Variants in GPC5 observed in about 807,000 individuals in gnomAD.
The protein encoded by GPC5 is glypican 5.
A neutral mutation model predicts 53.9 loss-of-function variants in GPC5; 47 were observed. The ratio of observed to expected loss-of-function variants is 0.87; its 90% confidence interval spans 0.69 to 1.11. The LOEUF (loss-of-function observed/expected upper bound fraction) is 1.11, where lower values mean the gene tolerates loss of function less well. Ranked by LOEUF, GPC5 falls within the 50% of genes most tolerant of loss-of-function variation. GPC5 has a pLI of 0.00. For missense variants in GPC5, 748 were observed against 713.1 expected (o/e 1.05, Z -0.56); for synonymous variants, 286 against 263.3 (o/e 1.09, Z -0.84).
intron 7 of GPC5, among the ~76,000 whole-genome samples, chr13:92,529,048 T>C (rs960643036): frequency 6.6e-6 from 1 of 152,148 alleles, no homozygotes; most frequent in African/African-American, 2.4e-5. Context: ...CTGCCAATTA[T>C]ATTTGCATGC....
chr13:92,139,014 G>A (rs2041807975), intron 6 of GPC5, among the ~76,000 whole-genome samples: 1 of 152,140 alleles, frequency 6.6e-6, no homozygotes, highest in Non-Finnish European at 1.5e-5. Flanking sequence ...ATTAAAAAGG[G>A]TAATTAGAAC....
intron 2 of GPC5, among the ~76,000 whole-genome samples, chr13:91,615,346 G>A (rs1204669515): frequency 6.6e-6 from 1 of 152,116 alleles, no homozygotes; most frequent in Non-Finnish European, 1.5e-5. Flanking sequence ...ATAGGGAAAG[G>A]TATGCTCCTT....
chr13:91,797,379 A>G (rs1183099570), intron 5 of GPC5, among the ~76,000 whole-genome samples: 1 of 152,178 alleles, frequency 6.6e-6, no homozygotes, highest in Non-Finnish European at 1.5e-5. Context: ...AGTTCAAAGA[A>G]AAAAATTTTA....
At chr13:92,363,202 C>T (rs1566557479) in intron 7 of GPC5, among the ~76,000 whole-genome samples, 1 of 151,584 alleles carries the variant, frequency 6.6e-6, no homozygotes, top group Non-Finnish European at 1.5e-5. Context: ...AAACAATTCC[C>T]ACAGGGCTAG....
chr13:92,305,561 A>G lies in GPC5; in HGVS notation c.1561+160572A>G, dbSNP rs77315001. 9.8e-3 allele frequency among the ~76,000 whole-genome samples: 1,498 copies of G among 152,256 alleles called. 18 individuals carry two copies. Among genetic ancestry groups the G allele is most frequent in the African/African-American group, 0.033 (1,389 of 41,562 alleles). The stretch of plus-strand genomic sequence containing the variant: ...AAAACTAGATTACCAAAATTTTTAA[A>G]CTAACTGAATTTCAACTTGAAGAAC... On this transcript the variant is annotated intron_variant, in intron 7 of 7. Transcript: ENST00000377067.
intron 6 of GPC5, among the ~76,000 whole-genome samples, chr13:91,916,400 A>G (rs759666685): frequency 1.3e-5 from 2 of 152,212 alleles, no homozygotes; most frequent in East Asian, 1.9e-4. Flanking sequence ...ATGTTCCTCA[A>G]TTGATGACTA....
intron 7 of GPC5, among the ~76,000 whole-genome samples, chr13:92,830,015 G>A (rs1877998145): frequency 6.6e-6 from 1 of 152,040 alleles, no homozygotes; most frequent in African/African-American, 2.4e-5. Context: ...GGTACTTGGA[G>A]CATTAAGGTT....
rs537592636 is a variant in GPC5, at chr13:91,866,048, G to T, written c.1281-41889G>T. ...ATGTCCAGCTAATTTTGTATTTTTA[G>T]TAGAGATGGGGGTTTCTCCATGTTG... is the stretch of plus-strand genomic sequence containing the variant. On this transcript the variant is annotated intron_variant, in intron 5 of 7. Coordinates refer to ENST00000377067, the MANE Select transcript of GPC5 (RefSeq NM_004466.6). Among the ~76,000 whole-genome samples, 5 of 152,196 alleles carry T rather than the reference G, an allele frequency of 3.3e-5. No homozygotes were observed. In the South Asian group the frequency reaches 1.0e-3, roughly 32 times the overall value.
intron 7 of GPC5, among the ~76,000 whole-genome samples, chr13:92,153,067 T>A (rs1428219515): frequency 6.6e-6 from 1 of 152,246 alleles, no homozygotes; most frequent in South Asian, 2.1e-4. Flanking sequence ...TTACTCCTTT[T>A]GTTAAACAGT....
chr13:92,637,768 T>A (rs1426568345), intron 7 of GPC5, among the ~76,000 whole-genome samples: 3 of 151,268 alleles, frequency 2.0e-5, no homozygotes, highest in Admixed American at 6.6e-5. Context: ...TATGATACCA[T>A]ATTGAAGAGA....
intron 7 of GPC5, among the ~76,000 whole-genome samples, chr13:92,220,261 T>TAA (rs138542457): frequency 5.3e-5 from 8 of 151,604 alleles, no homozygotes; most frequent in African/African-American, 7.3e-5. Context: ...AGAGAAAAGA[T>TAA]AAAAAAAAAT....
intron 2 of GPC5, among the ~76,000 whole-genome samples, chr13:91,457,908 A>C (rs887315386): frequency 8.5e-5 from 13 of 152,106 alleles, no homozygotes; most frequent in African/African-American, 2.9e-4. Context: ...GCTTGGATGC[A>C]TGGGTGAATG....
intron 7 of GPC5, among the ~76,000 whole-genome samples, chr13:92,164,050 G>A (rs116618165): frequency 6.6e-6 from 1 of 152,234 alleles, no homozygotes; most frequent in African/African-American, 2.4e-5. Flanking sequence ...CAGGGGAACT[G>A]CACCCATGAT....
chr13:92,708,942 G>A (rs1285866914), intron 7 of GPC5, among the ~76,000 whole-genome samples: 1 of 121,586 alleles, frequency 8.2e-6, no homozygotes, highest in African/African-American at 3.2e-5. Context: ...GAGTGCAGTG[G>A]CCTGATGTTG....
At chr13:92,221,721 A>AT (rs71120076) in intron 7 of GPC5, among the ~76,000 whole-genome samples, 32,542 of 151,592 alleles carry the variant, frequency 0.21, 4,143 homozygotes, top group South Asian at 0.45. Context: ...TGTTTTTCCT[A>AT]TTTTTTTTCC....
At chr13:92,419,236 G>A (rs1876452803) in intron 7 of GPC5, among the ~76,000 whole-genome samples, 1 of 152,064 alleles carries the variant, frequency 6.6e-6, no homozygotes, top group Admixed American at 6.5e-5. Flanking sequence ...GACAGAAGCT[G>A]CATTCTTCAT....
intron 2 of GPC5, among the ~76,000 whole-genome samples, chr13:91,522,463 T>C (rs1354423920): frequency 6.6e-6 from 1 of 152,216 alleles, no homozygotes; most frequent in Admixed American, 6.5e-5. Flanking sequence ...GTTTTCCCCA[T>C]AGCTGCGCAC....
At chr13:92,025,123 T>A (rs1037189620) in intron 6 of GPC5, among the ~76,000 whole-genome samples, 1 of 152,166 alleles carries the variant, frequency 6.6e-6, no homozygotes, top group African/African-American at 2.4e-5. Flanking sequence ...TGTTTCTTTT[T>A]TTCTTTAAGC....
chr13:91,759,145 G>T (rs141184018), intron 5 of GPC5, among the ~76,000 whole-genome samples: 24 of 152,052 alleles, frequency 1.6e-4, no homozygotes, highest in Non-Finnish European at 2.4e-4. Flanking sequence ...TTTTCTATTT[G>T]ACGACGAGAA....
Sources: allele counts gnomAD v4.1 joint callset (sites outside exome capture counted in the v4.1 genomes callset), GRCh38; gene constraint gnomAD v4.1.1; transcripts MANE v1.5; gene names NCBI Gene and HGNC (gene_info 2026-07-23, HGNC 2026-07-21).